Variants in EML6 observed in about 807,000 individuals in gnomAD.
EML6 encodes EMAP like 6, also known as echinoderm microtubule-associated protein-like 6.
A neutral mutation model predicts 240.1 loss-of-function variants in EML6; 154 were observed. The ratio of observed to expected loss-of-function variants is 0.64; its 90% CI spans 0.56 to 0.73. The LOEUF (loss-of-function observed/expected upper bound fraction) is 0.73. Among genes scored for constraint, EML6 ranks in the 30% least tolerant of loss-of-function variants. The probability of loss-of-function intolerance (pLI) is 0.00; values close to 1 mark genes in which losing one functional copy is unlikely to be tolerated. For synonymous variants in EML6, 1,148 were observed against 899.0 expected (o/e 1.28, Z -4.95); for missense variants, 2,964 against 2,474.6 (o/e 1.20, Z -4.20).
At chr2:54,895,895 G>A (rs1243699475) in intron 21 of EML6, among the ~76,000 whole-genome samples, 5 of 152,054 alleles carry the variant, frequency 3.3e-5, no homozygotes, top group Admixed American at 2.6e-4. Context: ...AAAACAGAGG[G>A]GAAAAAAATA....
Position 54,869,351 on chromosome 2 carries a change from A to C in EML6, c.2222A>C (p.Tyr741Ser). 6.4e-7 allele frequency: 1 copy of C among 1,550,806 alleles called. No individual in the cohort carries two copies. Among genetic ancestry groups the C allele is most frequent in the Non-Finnish European group, 8.7e-7 (1 of 1,146,338 alleles). ...CTGACCATCCATCCAGTGAAGGACT[A>C]TGTGGCTACTGGGCAGGTATCTATC... ...LSLTIHPVKDYVATGQVGRDA... is the reference protein window; with the variant it reads ...LSLTIHPVKDSVATGQVGRDA... The change falls in exon 15 of 42, where the codon TAT becomes TCT. Residue 741 changes from tyrosine to serine, a missense_variant. Coordinates refer to ENST00000356458, the MANE Select transcript of EML6 (RefSeq NM_001039753.4).
rs6710876 is a variant in EML6, at chr2:54,890,077, G to C, written c.2439-977G>C. Reference sequence around the variant, plus strand: ...TTTCTACTGTATTGGGTGTTGAGTGGTTTATTTTTTAAATCATGGGTGACT... The same window carrying C: ...TTTCTACTGTATTGGGTGTTGAGTGCTTTATTTTTTAAATCATGGGTGACT... On this transcript the variant is annotated intron_variant, in intron 17 of 41. Coordinates refer to ENST00000356458, the MANE Select transcript of EML6 (RefSeq NM_001039753.4). Among the ~76,000 whole-genome samples the C allele has an allele frequency of 2.6e-5, 4 of 152,112 alleles. No homozygotes were observed. The East Asian group carries it at 5.8e-4, about 22-fold the overall frequency.
At chr2:54,943,749 GATTTTAACAATAT>G (rs1675546301) in intron 28 of EML6, among the ~76,000 whole-genome samples, 2 of 152,092 alleles carry the variant, frequency 1.3e-5, no homozygotes, top group Non-Finnish European at 2.9e-5. Flanking sequence ...TGGTGACATT[GATTTTAACAATAT>G]ATTTTAACTC....
intron 2 of EML6, among the ~76,000 whole-genome samples, chr2:54,752,452 C>CGA (rs1245169089): frequency 6.6e-6 from 1 of 152,176 alleles, no homozygotes; most frequent in Non-Finnish European, 1.5e-5. Context: ...TACCACTTCC[C>CGA]AGTCATTATG....
rs1391697370 is a variant in EML6, at chr2:54,916,825, G to A, written c.3565G>A (p.Ala1189Thr). 8.0e-5 allele frequency: 124 copies of A among 1,550,352 alleles called. No homozygotes were observed. Among genetic ancestry groups the A allele is most frequent in the Non-Finnish European group, 1.0e-4 (117 of 1,145,966 alleles). Residue 1189 changes from alanine (A) to threonine (T), a missense_variant, in exon 26 of 42, where the codon GCA (alanine) becomes ACA (threonine). Coordinates refer to ENST00000356458, the MANE Select transcript of EML6 (RefSeq NM_001039753.4). ...LGPTCEGIWP[A>T]HSDITDVNAA... is the part of the protein sequence containing the mutation. ...GCCCACCTGTGAGGGAATCTGGCCA[G>A]CACATAGCGATATAACTGACGTAAA... is the stretch of plus-strand genomic sequence containing the variant.
At chr2:54,797,905 C>G (rs1053696979) in intron 2 of EML6, among the ~76,000 whole-genome samples, 1 of 151,942 alleles carries the variant, frequency 6.6e-6, no homozygotes, top group Non-Finnish European at 1.5e-5. Context: ...TATATTAAAT[C>G]AAGATTTAAT....
intron 17 of EML6, among the ~76,000 whole-genome samples, chr2:54,883,687 A>G (rs1461201633): frequency 6.6e-6 from 1 of 151,720 alleles, no homozygotes; most frequent in Non-Finnish European, 1.5e-5. Flanking sequence ...GATCTGACAA[A>G]CTCTTTGTAT....
intron 11 of EML6, among the ~76,000 whole-genome samples, chr2:54,857,115 A>G (rs1670424921): frequency 6.6e-6 from 1 of 152,094 alleles, no homozygotes; most frequent in Admixed American, 6.5e-5. Context: ...GAAAAAAGAT[A>G]TTTGTCTCTG....
At chr2:54,849,888 G>C in intron 9 of EML6, 74 bp from the exon 10 acceptor site, 1 of 1,230,294 alleles carries the variant, frequency 8.1e-7, no homozygotes, top group East Asian at 2.5e-5. Context: ...TTCTTTTTCT[G>C]ACACATATAT....
intron 16 of EML6, among the ~76,000 whole-genome samples, chr2:54,872,542 G>C (rs1469460586): frequency 6.6e-6 from 1 of 151,904 alleles, no homozygotes; most frequent in Non-Finnish European, 1.5e-5. Context: ...CCCTCTTCTG[G>C]AGTCTCCCAA....
chr2:54,968,632 G>T (rs114778157), intron 40 of EML6, 36 bp from the exon 41 acceptor site: 4 of 1,243,692 alleles, frequency 3.2e-6, no homozygotes, highest in Non-Finnish European at 4.6e-6. Flanking sequence ...GAGGAGCCAG[G>T]GTCTCTTAGC....
intron 7 of EML6, among the ~76,000 whole-genome samples, chr2:54,837,247 CTT>C (rs984048733): frequency 2.6e-5 from 4 of 152,204 alleles, no homozygotes; most frequent in Non-Finnish European, 4.4e-5. Flanking sequence ...CAGGAAATAA[CTT>C]TGTGGGGAAG....
At chr2:54,736,079 C>CA (rs1683375514) in intron 2 of EML6, among the ~76,000 whole-genome samples, 1 of 152,074 alleles carries the variant, frequency 6.6e-6, no homozygotes, top group Non-Finnish European at 1.5e-5. Flanking sequence ...ATAAGTAGCT[C>CA]AATGTTACCA....
intron 2 of EML6, among the ~76,000 whole-genome samples, chr2:54,727,065 G>A (rs1363702801): frequency 6.6e-6 from 1 of 152,168 alleles, no homozygotes; most frequent in Non-Finnish European, 1.5e-5. Context: ...CAAGCAGCCG[G>A]GCTAGTGGGA....
chr2:54,890,081 A>AT (rs1672385609), intron 17 of EML6, among the ~76,000 whole-genome samples: 2 of 152,298 alleles, frequency 1.3e-5, no homozygotes, highest in South Asian at 4.1e-4. Flanking sequence ...TGAGTGGTTT[A>AT]TTTTTTAAAT....
rs150343877 is a variant in EML6 at position 54,896,556 on chromosome 2, T to C, written c.2982+1156T>C. Among the ~76,000 whole-genome samples, 19 of 152,220 alleles carry C rather than the reference T, an allele frequency of 1.2e-4. No individual in the cohort carries two copies. In the East Asian group the frequency reaches 3.5e-3, roughly 28 times the overall value. ...CCCAGTTTGGTGATGGATAAGACCA[T>C]ATTTAGGTGGAAGAGGCATGGTGAG... On this transcript the variant is annotated intron_variant, in intron 21 of 41. Coordinates refer to ENST00000356458, the MANE Select transcript of EML6 (RefSeq NM_001039753.4).
chr2:54,849,611 C>G (rs1669961113), intron 9 of EML6, among the ~76,000 whole-genome samples: 1 of 152,322 alleles, frequency 6.6e-6, no homozygotes, highest in South Asian at 2.1e-4. Flanking sequence ...GCCTCAGCCT[C>G]CCGATTAGCT....
chr2:54,934,648 C>T (rs1050553278), intron 28 of EML6, among the ~76,000 whole-genome samples: 1 of 152,106 alleles, frequency 6.6e-6, no homozygotes, highest in Non-Finnish European at 1.5e-5. Context: ...CTCCTGGGCT[C>T]AAGCAATTCT....
intron 20 of EML6, 86 bp downstream of exon 20, chr2:54,895,112 A>C (rs1332372718): frequency 7.5e-7 from 1 of 1,330,774 alleles, no homozygotes; most frequent in African/African-American, 1.5e-5. Context: ...ACTATTAGCA[A>C]ATCAATTTTC....
Sources: gnomAD v4.1 joint callset for allele counts (sites outside exome capture counted in the v4.1 genomes callset) on GRCh38, gnomAD v4.1.1 for gene constraint, MANE v1.5 for transcripts, NCBI Gene and HGNC (gene_info 2026-07-23, HGNC 2026-07-21) for gene names.